GALNT10: variants seen among roughly 807,000 people sequenced by gnomAD.
GALNT10 encodes the protein GalNAc transferase 10.
A neutral mutation model predicts 75.0 loss-of-function variants in GALNT10; 41 were observed. The observed-to-expected ratio is 0.55, with a 90% CI of 0.43 to 0.71. The LOEUF is 0.71. Among genes scored for constraint, GALNT10 ranks in the 30% least tolerant of loss-of-function variants. GALNT10 has a pLI of 0.00. For missense variants in GALNT10, 727 were observed against 818.5 expected (o/e 0.89, Z 1.36); for synonymous variants, 302 against 313.0 (o/e 0.96, Z 0.37).
chr5:154,222,620 C>A (rs1581925924), intron 1 of GALNT10, among the ~76,000 whole-genome samples: 2 of 152,198 alleles, frequency 1.3e-5, no homozygotes, highest in Admixed American at 1.3e-4. Context: ...TCCTCACCAA[C>A]ACTTAGAATG....
intron 3 of GALNT10, among the ~76,000 whole-genome samples, chr5:154,304,972 A>G (rs148430649): frequency 1.3e-3 from 197 of 152,318 alleles, no homozygotes; most frequent in African/African-American, 4.7e-3. Flanking sequence ...AATCCAAAAT[A>G]TGGCAGAAAA....
At chr5:154,269,465 T>A (rs553050666) in intron 1 of GALNT10, among the ~76,000 whole-genome samples, 2 of 152,362 alleles carry the variant, frequency 1.3e-5, no homozygotes, top group African/African-American at 4.8e-5. Flanking sequence ...TATTATGATG[T>A]GCTTCCTCCT....
At chr5:154,218,247 G>A (rs1037190896) in intron 1 of GALNT10, 38 of 407,996 alleles carry the variant, frequency 9.3e-5, no homozygotes, top group Non-Finnish European at 1.1e-4. Context: ...ACTTCAAGAT[G>A]AAACACTTCC....
intron 1 of GALNT10, among the ~76,000 whole-genome samples, chr5:154,261,955 C>G (rs1293641380): frequency 6.6e-6 from 1 of 152,086 alleles, no homozygotes; most frequent in Admixed American, 6.6e-5. Flanking sequence ...TCTATCTGCC[C>G]TATTTGGGGA....
At chr5:154,232,794 A>G (rs1581930920) in intron 1 of GALNT10, among the ~76,000 whole-genome samples, 1 of 152,212 alleles carries the variant, frequency 6.6e-6, no homozygotes, top group African/African-American at 2.4e-5. Flanking sequence ...AGTGTTGAGT[A>G]GCTACAACTT....
intron 7 of GALNT10, 99 bp downstream of exon 7, chr5:154,386,529 G>C: frequency 1.5e-6 from 1 of 664,836 alleles, no homozygotes; most frequent in Non-Finnish European, 2.7e-6. Flanking sequence ...AAGACTGGAG[G>C]CCTCAGGGTT....
chr5:154,319,088 C>T (rs1306071112), intron 3 of GALNT10, among the ~76,000 whole-genome samples: 1 of 152,302 alleles, frequency 6.6e-6, no homozygotes, highest in Admixed American at 6.5e-5. Flanking sequence ...TTGCTTTGAC[C>T]CTCAGCTGGA....
chr5:154,383,961 A>C (rs921490584), intron 6 of GALNT10, among the ~76,000 whole-genome samples: 3 of 152,196 alleles, frequency 2.0e-5, no homozygotes, highest in East Asian at 3.8e-4. Flanking sequence ...GGGAGGCCTC[A>C]AGAAACTTAC....
chr5:154,408,168 C>G (rs1447752290), intron 8 of GALNT10, among the ~76,000 whole-genome samples: 1 of 152,122 alleles, frequency 6.6e-6, no homozygotes, highest in Non-Finnish European at 1.5e-5. Flanking sequence ...AGAGGTGAGA[C>G]CATATGGTCT....
chr5:154,381,941 T>A (rs1386402237), intron 6 of GALNT10, among the ~76,000 whole-genome samples: 1 of 152,192 alleles, frequency 6.6e-6, no homozygotes, highest in African/African-American at 2.4e-5. Context: ...CACCACAAGA[T>A]CCTTAACCTT....
chr5:154,239,997 T>C (rs1753306645), intron 1 of GALNT10, among the ~76,000 whole-genome samples: 1 of 152,238 alleles, frequency 6.6e-6, no homozygotes, highest in South Asian at 2.1e-4. Context: ...CATTTGGGAC[T>C]TGGCAGAGCT....
intron 7 of GALNT10, among the ~76,000 whole-genome samples, chr5:154,395,163 A>G (rs969516639): frequency 1.3e-5 from 2 of 152,236 alleles, no homozygotes; most frequent in African/African-American, 2.4e-5. Flanking sequence ...AACTTCTTCA[A>G]AAGTTTGTTG....
intron 1 of GALNT10, among the ~76,000 whole-genome samples, chr5:154,206,182 G>A (rs1018644746): frequency 9.2e-5 from 14 of 152,202 alleles, no homozygotes; most frequent in South Asian, 2.1e-4. Context: ...TGGAGGATTA[G>A]CATATTACAC....
chr5:154,394,499 G>C (rs1288171729), intron 7 of GALNT10, among the ~76,000 whole-genome samples: 1 of 152,176 alleles, frequency 6.6e-6, no homozygotes, highest in Non-Finnish European at 1.5e-5. Context: ...CCACCGGAAG[G>C]TGGCAGTGCC....
rs200653755 is a variant in GALNT10, at chr5:154,294,913, G to A, written c.257G>A (p.Arg86His). The A allele has an allele frequency of 7.5e-5, 114 of 1,518,898 alleles. 2 individuals are homozygous for A. In the East Asian group the frequency reaches 9.4e-4, roughly 13 times the overall value. The allele number at this position is 1,518,898 out of a possible 1,614,324, so 94.1% of individuals were successfully genotyped here. ...GAGGCCATCCGGAGGGACGCTCAGC[G>A]CGTAGGTACGGAGGGCAGGATTGGC... The part of the protein sequence containing the change: ...DKEAIRRDAQ[R>H]VGNGEQGRPY... The change falls in exon 2 of 12, where the codon CGC becomes CAC. Residue 86 changes from arginine to histidine, a missense_variant. Physicochemically the swap from Arg to His is conservative, Grantham distance 29. Transcript: ENST00000297107.
At chr5:154,371,855 G>A (rs74537501) in intron 4 of GALNT10, among the ~76,000 whole-genome samples, 18,761 of 152,078 alleles carry the variant, frequency 0.12, 1,208 homozygotes, top group Middle Eastern at 0.16. Context: ...GTTCTTGGCA[G>A]AGGAACAAGA....
intron 7 of GALNT10, among the ~76,000 whole-genome samples, chr5:154,393,227 C>A (rs1561681035): frequency 6.6e-6 from 1 of 152,078 alleles, no homozygotes; most frequent in South Asian, 2.1e-4. Flanking sequence ...GTCTACACCA[C>A]CACTCCCGGC....
At chr5:154,202,098 A>G (rs1228874074) in intron 1 of GALNT10, among the ~76,000 whole-genome samples, 2 of 152,214 alleles carry the variant, frequency 1.3e-5, no homozygotes, top group South Asian at 2.1e-4. Context: ...GAAATGGTAC[A>G]TGCTCCACTC....
intron 3 of GALNT10, among the ~76,000 whole-genome samples, chr5:154,318,037 A>G (rs1754620301): frequency 6.6e-6 from 1 of 152,226 alleles, no homozygotes. Context: ...TCTGATTTGC[A>G]GGTGCCTGTC....
Sources: allele counts gnomAD v4.1 joint callset (sites outside exome capture counted in the v4.1 genomes callset), GRCh38; gene constraint gnomAD v4.1.1; transcripts MANE v1.5; gene names NCBI Gene and HGNC (gene_info 2026-07-23, HGNC 2026-07-21).